The following USP34 variants were observed in gnomAD, a reference collection of about 807,000 sequenced individuals.
USP34 encodes ubiquitin specific peptidase 34, also known as ubiquitin carboxyl-terminal hydrolase 34.
USP34 carries 70 observed loss-of-function variants against 460.3 expected under a neutral mutation model. The observed-to-expected ratio is 0.15, with a 90% CI of 0.13 to 0.19. USP34 has a LOEUF of 0.19. Among genes scored for constraint, USP34 ranks in the 10% least tolerant of loss-of-function variants. USP34 has a pLI of 1.00. For synonymous variants in USP34, 1,647 were observed against 1,405.3 expected (o/e 1.17, Z -3.85); for missense variants, 3,985 against 4,236.2 (o/e 0.94, Z 1.65).
chr2:61,286,356 T>G (rs1051004510), intron 34 of USP34, among the ~76,000 whole-genome samples: 1 of 151,930 alleles, frequency 6.6e-6, no homozygotes, highest in Non-Finnish European at 1.5e-5. Flanking sequence ...TTTTCTAAAA[T>G]TAAAAAAAAA....
At chr2:61,301,544 C>T (rs1690225426) in intron 27 of USP34, 90 bp from the exon 28 acceptor site, 2 of 1,103,218 alleles carry the variant, frequency 1.8e-6, no homozygotes, top group African/African-American at 1.6e-5. Flanking sequence ...ATTAAACACA[C>T]TGTATGTTAA....
chr2:61,337,044 A>G (rs538368818), intron 18 of USP34, among the ~76,000 whole-genome samples: 91 of 152,272 alleles, frequency 6.0e-4, no homozygotes, highest in Admixed American at 1.8e-3. Context: ...ATAAACATAC[A>G]TACAAAAGAG....
intron 1 of USP34, among the ~76,000 whole-genome samples, chr2:61,468,153 G>A (rs1417773918): frequency 6.6e-6 from 1 of 152,130 alleles, no homozygotes; most frequent in Non-Finnish European, 1.5e-5. Context: ...ACTTTTAATA[G>A]TGTGGTATAA....
At chr2:61,396,071 G>C (rs1693514951) in intron 3 of USP34, among the ~76,000 whole-genome samples, 1 of 151,404 alleles carries the variant, frequency 6.6e-6, no homozygotes. Flanking sequence ...AAAAAAAAAG[G>C]TTTAAAATAA....
At chr2:61,248,379 T>G in intron 49 of USP34, 132 bp downstream of exon 49, 1 of 839,604 alleles carries the variant, frequency 1.2e-6, no homozygotes, top group South Asian at 2.2e-5. Context: ...ATGCATGACA[T>G]TGTCTTAACC....
chr2:61,245,759 T>G (rs1688401866), intron 50 of USP34, among the ~76,000 whole-genome samples: 1 of 145,610 alleles, frequency 6.9e-6, no homozygotes, highest in Non-Finnish European at 1.5e-5. Flanking sequence ...GAAAATCAAT[T>G]AACAATTGTA....
intron 1 of USP34, among the ~76,000 whole-genome samples, chr2:61,457,944 T>A (rs1447037225): frequency 2.0e-5 from 3 of 152,178 alleles, no homozygotes; most frequent in Non-Finnish European, 4.4e-5. Flanking sequence ...GTACTTGATA[T>A]ATCCGAGAAA....
At chr2:61,247,458 C>T (rs1688448193) in intron 49 of USP34, among the ~76,000 whole-genome samples, 1 of 152,202 alleles carries the variant, frequency 6.6e-6, no homozygotes, top group Non-Finnish European at 1.5e-5. Flanking sequence ...TCTGCTCTCT[C>T]CACAAGTGGA....
chr2:61,376,702 A>C (rs1692808332), intron 8 of USP34, among the ~76,000 whole-genome samples: 1 of 151,162 alleles, frequency 6.6e-6, no homozygotes, highest in Non-Finnish European at 1.5e-5. Flanking sequence ...GGTTGGAGTG[A>C]AAATGGCACC....
intron 3 of USP34, among the ~76,000 whole-genome samples, chr2:61,396,512 G>A (rs182191168): frequency 1.8e-4 from 27 of 150,304 alleles, no homozygotes; most frequent in Admixed American, 1.3e-4. Flanking sequence ...TTTTTTAGAC[G>A]GAGTCTCGCA....
chr2:61,273,128 A>G (rs1185590563), intron 41 of USP34, among the ~76,000 whole-genome samples: 1 of 152,204 alleles, frequency 6.6e-6, no homozygotes, highest in Non-Finnish European at 1.5e-5. Flanking sequence ...CAAAAAGGAC[A>G]AAACTCCTAA....
Position 61,187,963 on chromosome 2 carries a change from T to A in USP34, c.*139A>T. Reference sequence around the variant, plus strand: ...ATCTGGAGTTCTGCCTGACCAAGAATTAAGCCTATAAATCTATCTTGCCAT... The same window carrying A: ...ATCTGGAGTTCTGCCTGACCAAGAAATAAGCCTATAAATCTATCTTGCCAT... On this transcript the variant is annotated 3_prime_UTR_variant, in exon 80 of 80. Transcript: ENST00000398571. The A allele has an allele frequency of 1.4e-6, 2 of 1,445,854 alleles. No individual in the cohort carries two copies. The highest frequency in any genetic ancestry group is 1.8e-6 in the Non-Finnish European group (2 of 1,098,852). The allele number at this position is 1,445,854 out of a possible 1,614,324, so 89.6% of individuals were successfully genotyped here.
At chr2:61,278,516 C>G in intron 39 of USP34, 73 bp from the exon 40 acceptor site, 1 of 1,185,724 alleles carries the variant, frequency 8.4e-7, no homozygotes, top group Non-Finnish European at 1.2e-6. Flanking sequence ...TTATTAAAAT[C>G]ATTTCCTTAT....
rs761580662 is a variant in USP34 at position 61,211,804 on chromosome 2, T to C, written c.8808A>G (p.Leu2936=). 6.3e-7 allele frequency: 1 copy of C among 1,591,140 alleles called. No individual in the cohort carries two copies. The highest frequency in any genetic ancestry group is 1.2e-5 in the South Asian group (1 of 86,806). Residue 2936 remains leucine, a synonymous_variant, in exon 69 of 80, where the codon TTA becomes TTG. Coordinates refer to ENST00000398571, the MANE Select transcript of USP34 (RefSeq NM_014709.4). The stretch of plus-strand genomic sequence containing the variant: ...AAGTAGTCCAGCAGGAGCGGCCATC[T>C]AAGCAACGTAAGTAACAACTTATGG... The part of the protein sequence containing the change: ...KTTISCYLRC[L]DGRSCWTTLI...
intron 21 of USP34, among the ~76,000 whole-genome samples, chr2:61,323,166 G>C (rs182254465): frequency 1.8e-3 from 275 of 152,282 alleles, no homozygotes; most frequent in Non-Finnish European, 3.1e-3. Flanking sequence ...GATCGCTTGA[G>C]TCCATGAGTT....
Position 61,387,443 on chromosome 2 carries a change from C to A in USP34, c.754-4107G>T, listed in dbSNP as rs192108639. 4.5e-3 allele frequency among the ~76,000 whole-genome samples: 681 copies of A among 151,112 alleles called. 2 individuals carry two copies. The highest frequency in any genetic ancestry group is 6.8e-3 in the Non-Finnish European group (459 of 67,852). On this transcript the variant is annotated intron_variant, in intron 5 of 79. Coordinates refer to ENST00000398571, the MANE Select transcript of USP34 (RefSeq NM_014709.4). ...TCGCACCACTGCACTACATCCTGGG[C>A]AACAGAGCAAGACTCTATCTCAAAA...
chr2:61,272,919 A>C (rs1030676745), intron 41 of USP34, among the ~76,000 whole-genome samples: 3 of 152,218 alleles, frequency 2.0e-5, no homozygotes, highest in Non-Finnish European at 2.9e-5. Context: ...AAAATAAAAG[A>C]AAAACAAGAA....
chr2:61,262,130 TATAGATAG>T (rs59881307), intron 43 of USP34, among the ~76,000 whole-genome samples: 180 of 113,700 alleles, frequency 1.6e-3, no homozygotes, highest in African/African-American at 5.8e-3. Context: ...TATATATATA[TATAGATAG>T]ATAGATAGAT....
At chr2:61,349,793 A>G (rs1691891168) in intron 12 of USP34, among the ~76,000 whole-genome samples, 1 of 152,098 alleles carries the variant, frequency 6.6e-6, no homozygotes, top group African/African-American at 2.4e-5. Context: ...TTGAGCCAAG[A>G]TAGCACCACT....
Sources: allele counts gnomAD v4.1 joint callset (sites outside exome capture counted in the v4.1 genomes callset), GRCh38; gene constraint gnomAD v4.1.1; transcripts MANE v1.5; gene names NCBI Gene and HGNC (gene_info 2026-07-23, HGNC 2026-07-21).